TMEM255B: variants seen among roughly 807,000 people sequenced by gnomAD.
The protein encoded by TMEM255B is transmembrane protein 255B.
In TMEM255B, 35 loss-of-function variants were observed where a neutral mutation model predicts 34.5. That is an observed-to-expected ratio of 1.01 (90% CI 0.77 to 1.34). The LOEUF (loss-of-function observed/expected upper bound fraction) is 1.34. Among genes scored for constraint, TMEM255B ranks in the 40% most tolerant of loss-of-function variants. The pLI, the probability that TMEM255B is intolerant of heterozygous loss-of-function variation, is 0.00. For missense variants in TMEM255B, 432 were observed against 433.2 expected (o/e 1.00, Z 0.02); for synonymous variants, 206 against 201.2 (o/e 1.02, Z -0.20).
At chr13:113,792,618 G>C (rs9550253) in intron 3 of TMEM255B, among the ~76,000 whole-genome samples, 61,957 of 152,230 alleles carry the variant, frequency 0.41, 14,016 homozygotes, top group East Asian at 0.72. Context: ...AGCTGTTCAA[G>C]AGGGAACCTC....
intron 7 of TMEM255B, 95 bp from the exon 8 acceptor site, chr13:113,804,790 C>T (rs373959830): frequency 1.4e-5 from 16 of 1,154,532 alleles, no homozygotes; most frequent in East Asian, 8.1e-5. Flanking sequence ...GCCTGAGAGT[C>T]GGGGGTCGAG....
At position 113,766,030 on chromosome 13, in the gene TMEM255B, A is replaced by T. The variant is rs1215223637; in HGVS notation, c.47-85A>T. 4 of 1,565,092 alleles carry T rather than the reference A, an allele frequency of 2.6e-6. No homozygotes were observed. The South Asian group carries it at 3.6e-5, about 14-fold the overall frequency. ...ATAGTGCATCCCAGGACCCCTGGGTAACGGAGCACGGCCCAGAGCCTGCTG... is the reference window on the plus strand; with the variant it reads ...ATAGTGCATCCCAGGACCCCTGGGTTACGGAGCACGGCCCAGAGCCTGCTG... On this transcript the variant is annotated intron_variant, in intron 1 of 8. Coordinates refer to ENST00000375353, the MANE Select transcript of TMEM255B (RefSeq NM_182614.4).
intron 3 of TMEM255B, among the ~76,000 whole-genome samples, chr13:113,784,396 A>G (rs2050709076): frequency 6.6e-6 from 1 of 152,134 alleles, no homozygotes; most frequent in Admixed American, 6.5e-5. Flanking sequence ...GGGTACCATG[A>G]GAAAGCCAGG....
chr13:113,767,819 G>T (rs1167696785), intron 2 of TMEM255B, among the ~76,000 whole-genome samples: 3 of 152,264 alleles, frequency 2.0e-5, no homozygotes, highest in Admixed American at 6.5e-5. Flanking sequence ...GAAAGGTGTG[G>T]TTTTTTTCAA....
At position 113,813,467 on chromosome 13, in the gene TMEM255B, C is replaced by G. The variant is rs2138594971; in HGVS notation, c.*1564C>G. 1 of 152,440 alleles carries G rather than the reference C, an allele frequency of 6.6e-6. No homozygotes were observed. The highest frequency in any genetic ancestry group is 2.1e-4 in the South Asian group (1 of 4,832). 9.4% of individuals were successfully genotyped at this position (152,440 alleles called of 1,614,324 possible). A position where few individuals can be genotyped will look rare whatever the true frequency, so the allele number is the denominator to read the frequency against. ...CTTTCTCCCCTGCCCAGTCCTGGAT[C>G]TGGGAGAAAAAAGATAAGGTGGAGG... On this transcript the variant is annotated 3_prime_UTR_variant, in exon 9 of 9. Transcript: ENST00000375353.
At chr13:113,771,319 G>C (rs938099516) in intron 3 of TMEM255B, among the ~76,000 whole-genome samples, 1 of 152,160 alleles carries the variant, frequency 6.6e-6, no homozygotes, top group Admixed American at 6.5e-5. Flanking sequence ...TCTGTGTCTG[G>C]TGTCTGGCAC....
At chr13:113,778,143 C>T (rs1165240749) in intron 3 of TMEM255B, among the ~76,000 whole-genome samples, 1 of 152,198 alleles carries the variant, frequency 6.6e-6, no homozygotes, top group African/African-American at 2.4e-5. Context: ...AGGATCGGTG[C>T]AGGACAGGCG....
chr13:113,796,380 T>G (rs1302088968), intron 4 of TMEM255B, among the ~76,000 whole-genome samples: 1 of 50,922 alleles, frequency 2.0e-5, no homozygotes, highest in African/African-American at 9.6e-5. Context: ...AGTACACACC[T>G]CACACCACAC....
At chr13:113,799,086 T>TG in intron 4 of TMEM255B, among the ~76,000 whole-genome samples, 1 of 152,220 alleles carries the variant, frequency 6.6e-6, no homozygotes, top group Non-Finnish European at 1.5e-5. Flanking sequence ...TGTTGACTGA[T>TG]GGAGAATATG....
At chr13:113,760,791 CG>C (rs201830670) in intron 1 of TMEM255B, among the ~76,000 whole-genome samples, 1 of 38,090 alleles carries the variant, frequency 2.6e-5, no homozygotes, top group East Asian at 8.2e-4. Flanking sequence ...TTTGGGGTAT[CG>C]GGGGTGGGTT....
chr13:113,810,179 A>T (rs1182607839), intron 8 of TMEM255B, among the ~76,000 whole-genome samples: 1 of 152,162 alleles, frequency 6.6e-6, no homozygotes, highest in African/African-American at 2.4e-5. Context: ...GCAGGCTCAG[A>T]CAGGCAGCTG....
At chr13:113,804,266 C>T (rs9329350) in intron 7 of TMEM255B, among the ~76,000 whole-genome samples, 12,452 of 152,182 alleles carry the variant, frequency 0.082, 579 homozygotes, top group Admixed American at 0.14. Context: ...AAAGTGTGGA[C>T]GGGAGCTCAG....
chr13:113,805,563 G>A (rs957239574), intron 8 of TMEM255B, among the ~76,000 whole-genome samples: 1 of 152,224 alleles, frequency 6.6e-6, no homozygotes, highest in Non-Finnish European at 1.5e-5. Context: ...GGGCATGACC[G>A]CCTTCTGTGC....
intron 3 of TMEM255B, among the ~76,000 whole-genome samples, chr13:113,776,510 C>T (rs964669911): frequency 2.6e-5 from 4 of 152,240 alleles, no homozygotes; most frequent in African/African-American, 7.2e-5. Context: ...TGCTGCTGTC[C>T]GAGCTGTGAG....
At chr13:113,764,152 G>T (rs1445334361) in intron 1 of TMEM255B, among the ~76,000 whole-genome samples, 1 of 150,054 alleles carries the variant, frequency 6.7e-6, no homozygotes, top group Non-Finnish European at 1.5e-5. Context: ...TGGGACACGG[G>T]GACACGGGTT....
At chr13:113,793,893 G>C (rs1240152400) in intron 3 of TMEM255B, among the ~76,000 whole-genome samples, 2 of 152,222 alleles carry the variant, frequency 1.3e-5, no homozygotes, top group Non-Finnish European at 2.9e-5. Flanking sequence ...GGCCACCACT[G>C]GTCCATGGCC....
intron 3 of TMEM255B, among the ~76,000 whole-genome samples, chr13:113,781,649 G>A (rs544087982): frequency 2.0e-5 from 3 of 152,262 alleles, no homozygotes; most frequent in East Asian, 3.9e-4. Context: ...ATCAAACTCC[G>A]TGTGTCCCAG....
At chr13:113,800,444 G>A (rs2051031630) in intron 5 of TMEM255B, among the ~76,000 whole-genome samples, 1 of 152,006 alleles carries the variant, frequency 6.6e-6, no homozygotes, top group Non-Finnish European at 1.5e-5. Flanking sequence ...AGAGCGCCCT[G>A]GGACGGGGCC....
At chr13:113,761,832 T>C (rs1013676238) in intron 1 of TMEM255B, among the ~76,000 whole-genome samples, 3 of 152,150 alleles carry the variant, frequency 2.0e-5, no homozygotes, top group Admixed American at 6.5e-5. Flanking sequence ...CCAGGAGATG[T>C]GTCTATGTCC....
Sources: allele counts gnomAD v4.1 joint callset (sites outside exome capture counted in the v4.1 genomes callset), GRCh38; gene constraint gnomAD v4.1.1; transcripts MANE v1.5; gene names NCBI Gene and HGNC (gene_info 2026-07-23, HGNC 2026-07-21).